The following NEDD8 variants were observed in gnomAD, a reference collection of about 807,000 sequenced individuals.
The protein encoded by NEDD8 is NEDD8 ubiquitin like modifier, also known as ubiquitin-like protein NEDD8.
NEDD8 carries 1 observed loss-of-function variant against 13.8 expected under a neutral mutation model. The ratio of observed to expected loss-of-function variants is 0.07; its 90% CI spans 0.03 to 0.34. The LOEUF (loss-of-function observed/expected upper bound fraction) is 0.34. Among genes scored for constraint, NEDD8 ranks in the 10% least tolerant of loss-of-function variants. The pLI is 0.99. For missense variants in NEDD8, 10 were observed against 95.2 expected, an observed-to-expected ratio of 0.10 and a Z score of 3.73; for synonymous variants, 31 against 33.2, an observed-to-expected ratio of 0.93 and a Z score of 0.23.
At chr14:24,220,278 G>C (rs1449124365) in intron 1 of NEDD8, among the ~76,000 whole-genome samples, 1 of 152,154 alleles carries the variant, frequency 6.6e-6, no homozygotes, top group African/African-American at 2.4e-5. Context: ...ATATACTGAT[G>C]ATCATATTAT....
intron 1 of NEDD8, among the ~76,000 whole-genome samples, chr14:24,219,288 CCT>C (rs1169070556): frequency 6.7e-6 from 1 of 149,370 alleles, no homozygotes; most frequent in African/African-American, 2.5e-5. Context: ...ACAGCGAAAC[CCT>C]GTCTCAACCA....
chr14:24,221,720 C>T (rs1378248780), intron 1 of NEDD8, among the ~76,000 whole-genome samples: 1 of 152,168 alleles, frequency 6.6e-6, no homozygotes, highest in African/African-American at 2.4e-5. Context: ...ATCTCAGCCT[C>T]CCAAGTAGCT....
intron 1 of NEDD8, among the ~76,000 whole-genome samples, chr14:24,222,961 C>T (rs924804482): frequency 2.0e-5 from 3 of 151,726 alleles, no homozygotes; most frequent in Admixed American, 1.3e-4. Flanking sequence ...TGGTGGGCGC[C>T]TGTAGTCCCA....
intron 3 of NEDD8, 24 bp downstream of exon 3, chr14:24,218,109 C>T: frequency 6.2e-7 from 1 of 1,613,770 alleles, no homozygotes; most frequent in Non-Finnish European, 8.5e-7. Context: ...GATCGCCATG[C>T]TGTCATTCTC....
chr14:24,221,592 TTTTA>T (rs539118024), intron 1 of NEDD8, among the ~76,000 whole-genome samples: 1 of 149,930 alleles, frequency 6.7e-6, no homozygotes, highest in African/African-American at 2.5e-5. Context: ...TAATACAAAT[TTTTA>T]TTTATTTATT....
At chr14:24,225,171 CAA>C (rs71281817) in intron 1 of NEDD8, among the ~76,000 whole-genome samples, 5 of 123,938 alleles carry the variant, frequency 4.0e-5, no homozygotes, top group Non-Finnish European at 5.0e-5. Context: ...GACTCTGTCT[CAA>C]AAAAAAAAAA....
intron 3 of NEDD8, 39 bp downstream of exon 3, chr14:24,218,094 C>T: frequency 1.2e-6 from 2 of 1,613,254 alleles, no homozygotes; most frequent in African/African-American, 2.7e-5. Flanking sequence ...CTCATCTTCA[C>T]ATAAGATCGC....
intron 1 of NEDD8, among the ~76,000 whole-genome samples, chr14:24,220,392 G>A (rs1187756176): frequency 6.6e-6 from 1 of 152,086 alleles, no homozygotes; most frequent in Non-Finnish European, 1.5e-5. Context: ...TGTGATCCTG[G>A]CTCACTGCAG....
chr14:24,217,302 TTG>T, intron 3 of NEDD8, 79 bp from the exon 4 acceptor site: 4 of 1,279,848 alleles, frequency 3.1e-6, no homozygotes, highest in Admixed American at 2.1e-5. Flanking sequence ...GTTGTTGTTG[TTG>T]TTTTTGACAG....
chr14:24,230,466 C>G (rs1204540552), intron 1 of NEDD8, among the ~76,000 whole-genome samples: 2 of 127,056 alleles, frequency 1.6e-5, no homozygotes, highest in Admixed American at 9.3e-5. Context: ...ACCCGGGAGG[C>G]GAAGCTTGCA....
intron 1 of NEDD8, among the ~76,000 whole-genome samples, chr14:24,220,124 C>T (rs1372963504): frequency 6.6e-6 from 1 of 152,136 alleles, no homozygotes; most frequent in East Asian, 1.9e-4. Flanking sequence ...TGTATAAAAC[C>T]TCCTGTATGA....
Position 24,217,051 on chromosome 14 carries a change from T to C in NEDD8, c.*76A>G. 4 of 1,179,676 alleles carry C rather than the reference T, an allele frequency of 3.4e-6. No homozygotes were observed. Among genetic ancestry groups the C allele is most frequent in the Non-Finnish European group, 4.9e-6 (4 of 813,050 alleles). 73.1% of individuals were successfully genotyped at this position (1,179,676 alleles called of 1,614,324 possible). On this transcript the variant is annotated 3_prime_UTR_variant, in exon 4 of 4. Coordinates refer to ENST00000250495, the MANE Select transcript of NEDD8 (RefSeq NM_006156.3). ...CATCCAGGGGAGGGGGCAGTGGCTA[T>C]GGTGTCCCAGAGAGTGAGAGGATAT...
At chr14:24,217,312 CAG>C (rs2039722113) in intron 3 of NEDD8, 89 bp from the exon 4 acceptor site, 5 of 1,100,906 alleles carry the variant, frequency 4.5e-6, no homozygotes, top group African/African-American at 3.1e-5. Context: ...TTGTTTTTGA[CAG>C]AGTCTCGCTC....
chr14:24,230,309 C>T (rs1043305970), intron 1 of NEDD8, among the ~76,000 whole-genome samples: 16 of 139,202 alleles, frequency 1.1e-4, no homozygotes, highest in African/African-American at 3.9e-4. Flanking sequence ...CAGAGGCGGG[C>T]GGATCACGAG....
chr14:24,231,882 T>C (rs1210305458), intron 1 of NEDD8: 2 of 249,274 alleles, frequency 8.0e-6, no homozygotes, highest in African/African-American at 4.5e-5. Flanking sequence ...GAATGAAGAA[T>C]GGAGAGCAGC....
intron 1 of NEDD8, among the ~76,000 whole-genome samples, chr14:24,226,128 A>G (rs185386864): frequency 1.1e-4 from 17 of 152,164 alleles, no homozygotes; most frequent in African/African-American, 3.9e-4. Context: ...CCCTGCCAAC[A>G]ATCTTTATCA....
At chr14:24,232,162 G>A in intron 1 of NEDD8, 88 bp downstream of exon 1, 2 of 1,602,662 alleles carry the variant, frequency 1.2e-6, no homozygotes, top group East Asian at 2.2e-5. Context: ...GCTAGGGAAA[G>A]GCGTGGTTTT....
intron 1 of NEDD8, among the ~76,000 whole-genome samples, chr14:24,225,558 A>G (rs1008756383): frequency 2.0e-5 from 3 of 152,234 alleles, no homozygotes; most frequent in African/African-American, 4.8e-5. Flanking sequence ...TTTAAATTAA[A>G]TAAGATTGGC....
chr14:24,232,221 CG>C, intron 1 of NEDD8, 28 bp downstream of exon 1: 1 of 1,614,074 alleles, frequency 6.2e-7, no homozygotes, highest in Admixed American at 1.7e-5. Flanking sequence ...AGTACTACTG[CG>C]TCTTGGCAAG....
Sources: allele counts gnomAD v4.1 joint callset (sites outside exome capture counted in the v4.1 genomes callset), GRCh38; gene constraint gnomAD v4.1.1; transcripts MANE v1.5; gene names NCBI Gene and HGNC (gene_info 2026-07-23, HGNC 2026-07-21).